USP32: variants seen among roughly 807,000 people sequenced by gnomAD.
USP32 encodes ubiquitin specific peptidase 32, also known as ubiquitin carboxyl-terminal hydrolase 32.
USP32 carries 59 observed loss-of-function variants against 204.8 expected under a neutral mutation model. The observed-to-expected ratio is 0.29, with a 90% confidence interval of 0.23 to 0.36. The LOEUF (loss-of-function observed/expected upper bound fraction) is 0.36, where lower values mean the gene tolerates loss of function less well. USP32 is among the 10% of genes least tolerant of loss of function. The pLI is 1.00. For missense variants in USP32, 1,160 were observed against 1,946.4 expected (o/e 0.60, Z 7.60); for synonymous variants, 517 against 678.4 (o/e 0.76, Z 3.70).
intron 4 of USP32, among the ~76,000 whole-genome samples, chr17:60,294,431 T>C (rs2087373249): frequency 6.7e-6 from 1 of 149,494 alleles, no homozygotes. Flanking sequence ...AGTGTGAGTA[T>C]ATAGAATTGT....
chr17:60,309,290 C>CA (rs981044014), intron 2 of USP32, among the ~76,000 whole-genome samples: 16 of 151,890 alleles, frequency 1.1e-4, no homozygotes, highest in Admixed American at 2.0e-4. Context: ...AACTTACTAG[C>CA]AAAAAAACAA....
chr17:60,303,336 C>CT (rs1482970574), intron 2 of USP32, among the ~76,000 whole-genome samples: 1 of 152,052 alleles, frequency 6.6e-6, no homozygotes, highest in African/African-American at 2.4e-5. Flanking sequence ...TACAGATCCC[C>CT]TATCACTGGG....
chr17:60,360,213 A>G (rs1172935318), intron 1 of USP32, among the ~76,000 whole-genome samples: 1 of 152,024 alleles, frequency 6.6e-6, no homozygotes, highest in Non-Finnish European at 1.5e-5. Flanking sequence ...AGTGGCTCAC[A>G]CCTGTAATCC....
rs1490310724 is a variant in USP32 at position 60,238,391 on chromosome 17, GGTACAGTGGCTCACACCTGTAATCTCA to G, written c.1137-2178_1137-2152del. ...TGTATAAAAGTTTTAAGTTTTGCCA[GGTACAGTGGCTCACACCTGTAATCTCA>G]GCACTTTGGGAGGCTGAGGCAGGCG... is the stretch of plus-strand genomic sequence containing the variant. On this transcript the variant is annotated intron_variant, in intron 11 of 33. Coordinates refer to ENST00000300896, the MANE Select transcript of USP32 (RefSeq NM_032582.4). Among the ~76,000 whole-genome samples, 7 of 152,216 alleles carry G rather than the reference GGTACAGTGGCTCACACCTGTAATCTCA, an allele frequency of 4.6e-5. No individual in the cohort carries two copies. The Middle Eastern group carries it at 0.01, about 223-fold the overall frequency.
chr17:60,324,509 C>T (rs1180569532), intron 2 of USP32, among the ~76,000 whole-genome samples: 1 of 151,806 alleles, frequency 6.6e-6, no homozygotes, highest in Non-Finnish European at 1.5e-5. Flanking sequence ...TATATTTTCC[C>T]ATTGTTATTA....
intron 1 of USP32, among the ~76,000 whole-genome samples, chr17:60,358,794 T>C (rs545610663): frequency 6.6e-6 from 1 of 152,320 alleles, no homozygotes; most frequent in African/African-American, 2.4e-5. Context: ...AAGGTTTTGA[T>C]ATTACATCAT....
intron 29 of USP32, among the ~76,000 whole-genome samples, chr17:60,189,867 T>C (rs1034574963): frequency 6.6e-6 from 1 of 152,246 alleles, no homozygotes; most frequent in African/African-American, 2.4e-5. Context: ...GAGATGCTTA[T>C]TGATATGTCA....
chr17:60,370,446 A>G (rs1026452234), intron 1 of USP32, among the ~76,000 whole-genome samples: 1 of 152,128 alleles, frequency 6.6e-6, no homozygotes, highest in Non-Finnish European at 1.5e-5. Flanking sequence ...TAGTAAATTA[A>G]CACTCAGATT....
intron 1 of USP32, among the ~76,000 whole-genome samples, chr17:60,360,034 A>G (rs1192757718): frequency 1.3e-5 from 2 of 151,844 alleles, no homozygotes; most frequent in Non-Finnish European, 2.9e-5. Context: ...CACCTGGCTA[A>G]TTTTTTTGTA....
Position 60,378,358 on chromosome 17 carries a change from C to T in USP32, c.58+13524G>A, listed in dbSNP as rs536395501. Among the ~76,000 whole-genome samples, 15 of 152,222 alleles carry T rather than the reference C, an allele frequency of 9.9e-5. No individual in the cohort carries two copies. The East Asian group carries it at 1.2e-3, about 12-fold the overall frequency. On this transcript the variant is annotated intron_variant, in intron 1 of 33. Transcript: ENST00000300896. ...GTGCATTGCTGGTGGAAATATAAAA[C>T]GGTACAGAAGCTGTGGAAACCAGTT...
intron 14 of USP32, among the ~76,000 whole-genome samples, chr17:60,222,856 A>AT (rs1249139616): frequency 6.6e-6 from 1 of 151,500 alleles, no homozygotes; most frequent in Non-Finnish European, 1.5e-5. Flanking sequence ...TAATTTTTGT[A>AT]TTTTTAGTAG....
intron 1 of USP32, among the ~76,000 whole-genome samples, chr17:60,359,146 C>A (rs2089151016): frequency 6.6e-6 from 1 of 152,130 alleles, no homozygotes; most frequent in Non-Finnish European, 1.5e-5. Context: ...TTTTTGGAAG[C>A]CTATTCTAAT....
intron 2 of USP32, among the ~76,000 whole-genome samples, chr17:60,315,141 T>C (rs1373078064): frequency 6.6e-6 from 1 of 152,214 alleles, no homozygotes; most frequent in East Asian, 1.9e-4. Flanking sequence ...CTCACGCCTG[T>C]AATCCTAGCA....
chr17:60,179,357 A>G lies in USP32; in HGVS notation c.4713T>C (p.Tyr1571=), dbSNP rs1053622. 1 of 1,613,710 alleles carries G rather than the reference A, an allele frequency of 6.2e-7. No individual in the cohort carries two copies. Among genetic ancestry groups the G allele is most frequent in the Admixed American group, 1.7e-5 (1 of 60,022 alleles). ...ILFYEQQGID[Y]AQFLPKTDGK... is the part of the protein sequence containing the mutation. ...CATCAGTCTTTGGCAGAAATTGTGC[A>G]TAGTCTATCCCCTGCTGCTCATAGA... Residue 1571 remains tyrosine (Y), a synonymous_variant, in exon 34 of 34, where the codon TAT becomes TAC. Transcript: ENST00000300896.
chr17:60,401,729 A>G (rs2089936746), intron 1 of USP32, among the ~76,000 whole-genome samples: 1 of 151,958 alleles, frequency 6.6e-6, no homozygotes, highest in African/African-American at 2.4e-5. Context: ...AAAAAAAGAA[A>G]AAAAAAAAAA....
At chr17:60,257,138 C>T (rs73324916) in intron 9 of USP32, 10,268 of 172,238 alleles carry the variant, frequency 0.06, 1,211 homozygotes, top group African/African-American at 0.23. Flanking sequence ...AAGGTTTTCA[C>T]TATAAGCCAA....
rs2084011219 is a variant in USP32 at position 60,178,069 on chromosome 17, G to A, written c.*1186C>T. On this transcript the variant is annotated 3_prime_UTR_variant, in exon 34 of 34. Transcript: ENST00000300896. ...AGAAACATAACTTTCGATGACTACT[G>A]TAAAATTTAAAAAAAAGACAAATAT... Among the ~76,000 whole-genome samples the A allele has an allele frequency of 6.6e-6, 1 of 152,030 alleles. No individual in the cohort carries two copies.
At chr17:60,277,886 T>C (rs1368026874) in intron 5 of USP32, among the ~76,000 whole-genome samples, 3 of 139,564 alleles carry the variant, frequency 2.1e-5, no homozygotes, top group African/African-American at 3.3e-5. Context: ...CAAAAGAATA[T>C]GACTATTAAA....
At chr17:60,252,703 G>T (rs112744529) in intron 10 of USP32, among the ~76,000 whole-genome samples, 2 of 152,254 alleles carry the variant, frequency 1.3e-5, no homozygotes, top group Admixed American at 6.5e-5. Context: ...AAGAAAAAGC[G>T]AAAGGGGAAG....
Sources: allele counts gnomAD v4.1 joint callset (sites outside exome capture counted in the v4.1 genomes callset), GRCh38; gene constraint gnomAD v4.1.1; transcripts MANE v1.5; gene names NCBI Gene and HGNC (gene_info 2026-07-23, HGNC 2026-07-21).